Variants in CNTN4 observed in about 807,000 individuals in gnomAD.
CNTN4 encodes contactin-4.
In CNTN4, 77 loss-of-function variants were observed where a neutral mutation model predicts 122.5. The ratio of observed to expected loss-of-function variants is 0.63; its 90% CI spans 0.52 to 0.76. CNTN4 has a LOEUF of 0.76. Ranked by LOEUF, CNTN4 falls within the 30% of genes least tolerant of loss-of-function variation. The pLI, the probability that CNTN4 is intolerant of heterozygous loss-of-function variation, is 0.00. For synonymous variants in CNTN4, 512 were observed against 447.0 expected (o/e 1.15, Z -1.83); for missense variants, 1,256 against 1,259.1 (o/e 1.00, Z 0.04).
At chr3:2,812,331 G>C (rs2092632442) in intron 6 of CNTN4, among the ~76,000 whole-genome samples, 1 of 152,148 alleles carries the variant, frequency 6.6e-6, no homozygotes, top group Non-Finnish European at 1.5e-5. Context: ...ATATTTTTAA[G>C]TAACACAAGC....
intron 4 of CNTN4, among the ~76,000 whole-genome samples, chr3:2,575,981 CA>C (rs1353557310): frequency 2.0e-5 from 3 of 151,762 alleles, no homozygotes; most frequent in Non-Finnish European, 4.4e-5. Context: ...ACTACAGGCA[CA>C]TGCCACCATG....
chr3:2,279,770 T>A (rs1486628987), intron 2 of CNTN4, among the ~76,000 whole-genome samples: 1 of 151,652 alleles, frequency 6.6e-6, no homozygotes, highest in Non-Finnish European at 1.5e-5. Flanking sequence ...TGTGATTATA[T>A]CTACATATAT....
rs142503500 is a variant in CNTN4 at position 2,675,881 on chromosome 3, C to G, written c.56-60334C>G. Among the ~76,000 whole-genome samples, 73 of 152,260 alleles carry G rather than the reference C, an allele frequency of 4.8e-4. No homozygotes were observed. The South Asian group carries it at 7.5e-3, about 16-fold the overall frequency. On this transcript the variant is annotated intron_variant, in intron 4 of 24. Transcript: ENST00000418658. ...TGTTTCTCATATCAACCTCAAAGTT[C>G]TAGGTTCTAGATTTATTATCCTCCT... is the stretch of plus-strand genomic sequence containing the variant.
chr3:2,916,844 G>A (rs1463574816), intron 12 of CNTN4, among the ~76,000 whole-genome samples: 1 of 150,934 alleles, frequency 6.6e-6, no homozygotes, highest in Non-Finnish European at 1.5e-5. Flanking sequence ...GTTCCCAGAC[G>A]GGGCAGCCAG....
chr3:2,465,666 G>T (rs919807426), intron 3 of CNTN4, among the ~76,000 whole-genome samples: 1 of 152,016 alleles, frequency 6.6e-6, no homozygotes, highest in South Asian at 2.1e-4. Context: ...GACACAGCGA[G>T]ACTCCATCTC....
intron 7 of CNTN4, among the ~76,000 whole-genome samples, chr3:2,831,196 G>A (rs2093097072): frequency 6.6e-6 from 1 of 152,152 alleles, no homozygotes; most frequent in African/African-American, 2.4e-5. Flanking sequence ...TTGTATGAGG[G>A]TAGGATTAAA....
intron 8 of CNTN4, among the ~76,000 whole-genome samples, chr3:2,869,155 C>T (rs765929548): frequency 8.5e-5 from 13 of 152,088 alleles, no homozygotes; most frequent in Non-Finnish European, 1.5e-4. Flanking sequence ...GATTTTACTT[C>T]GAGTGCAGCG....
chr3:2,572,072 A>C (rs1020588509), intron 4 of CNTN4, among the ~76,000 whole-genome samples: 1 of 152,168 alleles, frequency 6.6e-6, no homozygotes, highest in African/African-American at 2.4e-5. Context: ...CTCATGGCCA[A>C]CTACTAGAAA....
At chr3:2,324,338 A>G (rs145975873) in intron 2 of CNTN4, among the ~76,000 whole-genome samples, 1 of 152,270 alleles carries the variant, frequency 6.6e-6, no homozygotes, top group East Asian at 1.9e-4. Flanking sequence ...TAAGATACAC[A>G]CGCACACTCA....
At chr3:2,375,469 A>G (rs1168020446) in intron 3 of CNTN4, among the ~76,000 whole-genome samples, 1 of 152,162 alleles carries the variant, frequency 6.6e-6, no homozygotes, top group East Asian at 1.9e-4. Context: ...AATACTCCAT[A>G]ATATGACAGC....
intron 3 of CNTN4, among the ~76,000 whole-genome samples, chr3:2,461,320 A>G (rs941123901): frequency 2.6e-5 from 4 of 152,170 alleles, no homozygotes; most frequent in African/African-American, 7.2e-5. Flanking sequence ...TATTTATGGA[A>G]GTTATCATTA....
intron 3 of CNTN4, among the ~76,000 whole-genome samples, chr3:2,449,488 C>T (rs1021381230): frequency 1.3e-5 from 2 of 151,746 alleles, no homozygotes; most frequent in Non-Finnish European, 2.9e-5. Flanking sequence ...GGTGATGCAC[C>T]CCTGTTATCC....
intron 3 of CNTN4, among the ~76,000 whole-genome samples, chr3:2,459,441 T>C (rs1411866550): frequency 3.9e-5 from 6 of 152,112 alleles, no homozygotes; most frequent in Non-Finnish European, 7.4e-5. Context: ...GCTTTTCCCA[T>C]GGCATTTTCA....
intron 3 of CNTN4, among the ~76,000 whole-genome samples, chr3:2,373,946 A>G (rs1255723402): frequency 3.3e-5 from 5 of 152,210 alleles, no homozygotes; most frequent in Admixed American, 3.3e-4. Flanking sequence ...GAAAGCAAAA[A>G]TCATCTTTTT....
intron 4 of CNTN4, among the ~76,000 whole-genome samples, chr3:2,600,887 C>G (rs1011213386): frequency 5.9e-5 from 9 of 152,136 alleles, no homozygotes; most frequent in East Asian, 3.9e-4. Flanking sequence ...TTTAATGATC[C>G]CCATTCTAAC....
At position 2,902,976 on chromosome 3, in the gene CNTN4, T is replaced by A; in HGVS notation, c.1178T>A (p.Ile393Asn). 6.2e-7 allele frequency: 1 copy of A among 1,613,920 alleles called. No homozygotes were observed. The highest frequency in any genetic ancestry group is 8.5e-7 in the Non-Finnish European group (1 of 1,179,906). ...QCLAENKHGV[I>N]FSNAELSVIA... ...TTGGCAGAGAATAAACATGGAGTTATCTTTTCCAACGCAGAGCTTAGTGTT... is the reference window on the plus strand; with the variant it reads ...TTGGCAGAGAATAAACATGGAGTTAACTTTTCCAACGCAGAGCTTAGTGTT... The change falls in exon 12 of 25, where the codon ATC becomes AAC. Residue 393 changes from isoleucine (I) to asparagine (N), a missense_variant. Ile to Asn is a moderately radical substitution (Grantham distance 149). Coordinates refer to ENST00000418658, the MANE Select transcript of CNTN4 (RefSeq NM_175607.3).
intron 6 of CNTN4, among the ~76,000 whole-genome samples, chr3:2,772,247 T>A (rs2091134037): frequency 6.6e-6 from 1 of 152,044 alleles, no homozygotes; most frequent in Admixed American, 6.6e-5. Context: ...GATACCAGCA[T>A]CTGGAAAAAC....
intron 3 of CNTN4, among the ~76,000 whole-genome samples, chr3:2,569,788 G>T (rs778169124): frequency 1.7e-4 from 26 of 152,038 alleles, no homozygotes; most frequent in Admixed American, 3.9e-4. Context: ...CTGATGAATA[G>T]GTAGCACTCT....
At chr3:2,218,621 A>G (rs910277711) in intron 2 of CNTN4, among the ~76,000 whole-genome samples, 1 of 152,260 alleles carries the variant, frequency 6.6e-6, no homozygotes, top group African/African-American at 2.4e-5. Context: ...TGTGATAACT[A>G]TAAAAATTCC....
Sources: gnomAD v4.1 joint callset for allele counts (sites outside exome capture counted in the v4.1 genomes callset) on GRCh38, gnomAD v4.1.1 for gene constraint, MANE v1.5 for transcripts, NCBI Gene and HGNC (gene_info 2026-07-23, HGNC 2026-07-21) for gene names.